Variants in SNTB2 observed in about 807,000 individuals in gnomAD.
SNTB2 encodes the protein syntrophin beta 2.
In SNTB2, 34 loss-of-function variants were observed where a neutral mutation model predicts 46.2. The ratio of observed to expected loss-of-function variants is 0.74; its 90% CI spans 0.56 to 0.98. The LOEUF (loss-of-function observed/expected upper bound fraction) is 0.98. Among genes scored for constraint, SNTB2 ranks in the 50% least tolerant of loss-of-function variants. SNTB2 has a pLI of 0.00. For synonymous variants in SNTB2, 290 were observed against 312.6 expected, an observed-to-expected ratio of 0.93 and a Z score of 0.76; for missense variants, 603 against 731.4, an observed-to-expected ratio of 0.82 and a Z score of 2.02.
At chr16:69,221,022 C>G (rs1036909903) in intron 1 of SNTB2, among the ~76,000 whole-genome samples, 1 of 152,112 alleles carries the variant, frequency 6.6e-6, no homozygotes, top group African/African-American at 2.4e-5. Flanking sequence ...TCCAGATTGT[C>G]ATATATGTGG....
chr16:69,215,283 G>A (rs1964335633), intron 1 of SNTB2, among the ~76,000 whole-genome samples: 1 of 152,292 alleles, frequency 6.6e-6, no homozygotes, highest in South Asian at 2.1e-4. Flanking sequence ...TACACGGGAG[G>A]CTGAGGTGGG....
intron 4 of SNTB2, among the ~76,000 whole-genome samples, chr16:69,272,889 CAAAAAAAA>C (rs34011617): frequency 5.0e-5 from 4 of 80,746 alleles, no homozygotes; most frequent in African/African-American, 1.8e-4. Context: ...GACTCTGTCT[CAAAAAAAA>C]AAAAAAAAAA....
intron 1 of SNTB2, among the ~76,000 whole-genome samples, chr16:69,242,183 T>C (rs576576856): frequency 6.6e-6 from 1 of 152,240 alleles, no homozygotes; most frequent in East Asian, 1.9e-4. Context: ...CCCAACGCTT[T>C]GAGAGGCTAA....
chr16:69,288,985 A>G (rs1039792688), intron 5 of SNTB2, among the ~76,000 whole-genome samples: 3 of 152,148 alleles, frequency 2.0e-5, no homozygotes, highest in African/African-American at 7.2e-5. Context: ...GAGCTAAAAA[A>G]GTGGCCAGGC....
At chr16:69,279,167 C>T (rs1257358487) in intron 4 of SNTB2, among the ~76,000 whole-genome samples, 2 of 152,112 alleles carry the variant, frequency 1.3e-5, no homozygotes, top group Admixed American at 1.3e-4. Flanking sequence ...CAACAATTCT[C>T]CATTTCCATC....
At chr16:69,207,621 A>G (rs530291275) in intron 1 of SNTB2, among the ~76,000 whole-genome samples, 2 of 152,318 alleles carry the variant, frequency 1.3e-5, no homozygotes, top group South Asian at 2.1e-4. Flanking sequence ...AGAAAAGTGC[A>G]CAGATCATAA....
intron 5 of SNTB2, among the ~76,000 whole-genome samples, chr16:69,293,609 G>C (rs1418430936): frequency 6.6e-6 from 1 of 152,202 alleles, no homozygotes; most frequent in Non-Finnish European, 1.5e-5. Context: ...GAGGAGGAGA[G>C]AGGGGGAGTG....
chr16:69,287,523 T>C (rs114718147), intron 5 of SNTB2, among the ~76,000 whole-genome samples: 1,585 of 152,150 alleles, frequency 0.01, 25 homozygotes, highest in African/African-American at 0.036. Context: ...CAAGCCAGGA[T>C]TGCGCCACTG....
At chr16:69,268,510 A>C (rs1281227826) in intron 3 of SNTB2, among the ~76,000 whole-genome samples, 2 of 151,960 alleles carry the variant, frequency 1.3e-5, no homozygotes, top group African/African-American at 2.4e-5. Context: ...GAACTCTTGG[A>C]ACATAGTTTA....
At chr16:69,246,937 T>C (rs1218306537) in intron 2 of SNTB2, among the ~76,000 whole-genome samples, 1 of 146,650 alleles carries the variant, frequency 6.8e-6, no homozygotes, top group Non-Finnish European at 1.5e-5. Flanking sequence ...TTGGGAGATA[T>C]ACCTAATGCT....
intron 1 of SNTB2, chr16:69,190,986 A>G (rs1305049594): frequency 6.6e-6 from 1 of 152,162 alleles, no homozygotes; most frequent in Non-Finnish European, 1.5e-5. Flanking sequence ...TCACGAAGGT[A>G]TGCCACCAGT....
chr16:69,253,413 A>G (rs12929900), intron 2 of SNTB2, among the ~76,000 whole-genome samples: 41,629 of 150,856 alleles, frequency 0.28, 6,365 homozygotes, highest in African/African-American at 0.4. Flanking sequence ...ACTTTGGGAG[A>G]CCGAGGCGGG....
At chr16:69,290,681 G>C (rs1965151771) in intron 5 of SNTB2, among the ~76,000 whole-genome samples, 1 of 152,178 alleles carries the variant, frequency 6.6e-6, no homozygotes, top group East Asian at 1.9e-4. Flanking sequence ...TTTTCAAGTA[G>C]GAAGGACAGA....
At chr16:69,234,292 C>T (rs1964536171) in intron 1 of SNTB2, among the ~76,000 whole-genome samples, 1 of 152,180 alleles carries the variant, frequency 6.6e-6, no homozygotes, top group Non-Finnish European at 1.5e-5. Context: ...GTGGTTGTAC[C>T]ACTGGACTCC....
chr16:69,191,807 AT>A (rs1964057651), intron 1 of SNTB2, among the ~76,000 whole-genome samples: 1 of 151,500 alleles, frequency 6.6e-6, no homozygotes, highest in Non-Finnish European at 1.5e-5. Context: ...TGCCCGGCCA[AT>A]TTTTTGTATT....
intron 5 of SNTB2, among the ~76,000 whole-genome samples, chr16:69,292,225 A>G (rs189177741): frequency 0.021 from 3,090 of 149,878 alleles, 114 homozygotes; most frequent in African/African-American, 0.072. Flanking sequence ...CGACAGAGCG[A>G]GACTCTGTCT....
In SNTB2 at chr16:69,301,369, A is replaced by C. The variant is rs1351263774; in HGVS notation, c.*445A>C. The C allele has an allele frequency of 1.2e-5, 2 of 165,620 alleles. No homozygotes were observed. Among genetic ancestry groups the C allele is most frequent in the African/African-American group, 4.8e-5 (2 of 41,686 alleles). The allele number at this position is 165,620 out of a possible 1,614,324, so 10.3% of individuals were successfully genotyped here. ...TGTCCCTTCCCAGGTGCTAGCTTGCAGCAGCCTGTTGCTTCCTGAGCATTC... is the reference window on the plus strand; with the variant it reads ...TGTCCCTTCCCAGGTGCTAGCTTGCCGCAGCCTGTTGCTTCCTGAGCATTC... On this transcript the variant is annotated 3_prime_UTR_variant, in exon 7 of 7. Coordinates refer to ENST00000336278, the MANE Select transcript of SNTB2 (RefSeq NM_006750.4).
intron 5 of SNTB2, among the ~76,000 whole-genome samples, chr16:69,291,476 C>T (rs1185945225): frequency 1.3e-5 from 2 of 152,120 alleles, no homozygotes; most frequent in Non-Finnish European, 2.9e-5. Flanking sequence ...CTTTGGGAGG[C>T]CAAGGCAGGA....
chr16:69,187,749 G>T lies in SNTB2; in HGVS notation c.580+3G>T. On this transcript the variant is annotated splice_donor_region_variant and intron_variant, in intron 1 of 6. Transcript: ENST00000336278. The stretch of plus-strand genomic sequence containing the variant: ...GGGCAAGGAGGTGCTGCTGGAGGGT[G>T]AGCGGGGCCGGGCGGGAGGGTGGGC... 1 of 1,456,330 alleles carries T rather than the reference G, an allele frequency of 6.9e-7. No individual in the cohort carries two copies. The highest frequency in any genetic ancestry group is 9.0e-7 in the Non-Finnish European group (1 of 1,111,786). The allele number at this position is 1,456,330 out of a possible 1,614,324, so 90.2% of individuals were successfully genotyped here.
Sources: allele counts gnomAD v4.1 joint callset (sites outside exome capture counted in the v4.1 genomes callset), GRCh38; gene constraint gnomAD v4.1.1; transcripts MANE v1.5; gene names NCBI Gene and HGNC (gene_info 2026-07-23, HGNC 2026-07-21).